SNAP25: variants seen among roughly 807,000 people sequenced by gnomAD.
SNAP25 encodes the protein synaptosomal-associated protein 25.
Under a neutral mutation model 28.7 loss-of-function variants are expected in SNAP25, and 3 were observed. The ratio of observed to expected loss-of-function variants is 0.10; its 90% CI spans 0.05 to 0.27. The LOEUF (loss-of-function observed/expected upper bound fraction) is 0.27. SNAP25 is among the 10% of genes least tolerant of loss of function. The pLI, the probability that SNAP25 is intolerant of heterozygous loss-of-function variation, is 1.00. For missense variants in SNAP25, 117 were observed against 278.7 expected (o/e 0.42, Z 4.13); for synonymous variants, 61 against 88.1 (o/e 0.69, Z 1.72).
rs1467057506 is a variant in SNAP25, at chr20:10,248,208, T to A, written c.-63-27221T>A. ...TGTGCACAGAAGCCAACAAAAAGTA[T>A]ACTTGGCTTTAAGGATAAGGGTACA... On this transcript the variant is annotated intron_variant, in intron 1 of 7. Transcript: ENST00000254976. Among the ~76,000 whole-genome samples the A allele has an allele frequency of 2.0e-5, 3 of 152,222 alleles. No individual in the cohort carries two copies. The South Asian group carries it at 6.2e-4, about 31-fold the overall frequency.
At chr20:10,268,160 G>C (rs891020086) in intron 1 of SNAP25, among the ~76,000 whole-genome samples, 1 of 152,168 alleles carries the variant, frequency 6.6e-6, no homozygotes, top group Non-Finnish European at 1.5e-5. Flanking sequence ...AAGGAGAGTT[G>C]TCCCACTTGG....
At chr20:10,291,875 T>A (rs2064006277) in intron 4 of SNAP25, among the ~76,000 whole-genome samples, 1 of 152,226 alleles carries the variant, frequency 6.6e-6, no homozygotes, top group Non-Finnish European at 1.5e-5. Flanking sequence ...CCTTTAATGG[T>A]CTTTTAAAGC....
chr20:10,241,729 G>C (rs1249960780), intron 1 of SNAP25, among the ~76,000 whole-genome samples: 2 of 152,096 alleles, frequency 1.3e-5, no homozygotes, highest in South Asian at 2.1e-4. Context: ...GGGCAAGGTG[G>C]GTGCTTTCAA....
At chr20:10,228,207 A>C (rs1451557569) in intron 1 of SNAP25, among the ~76,000 whole-genome samples, 1 of 152,148 alleles carries the variant, frequency 6.6e-6, no homozygotes, top group African/African-American at 2.4e-5. Context: ...CTACCACTTA[A>C]TGACCACAAG....
At chr20:10,291,853 C>T (rs1291359516) in intron 4 of SNAP25, among the ~76,000 whole-genome samples, 1 of 152,206 alleles carries the variant, frequency 6.6e-6, no homozygotes, top group Non-Finnish European at 1.5e-5. Context: ...CGAAGACATC[C>T]ATTGCTGCCT....
At chr20:10,256,263 C>T (rs1437837567) in intron 1 of SNAP25, among the ~76,000 whole-genome samples, 1 of 152,148 alleles carries the variant, frequency 6.6e-6, no homozygotes, top group Non-Finnish European at 1.5e-5. Context: ...TCCGCTATTA[C>T]GAAGGACCAT....
chr20:10,246,520 G>A (rs2063131837), intron 1 of SNAP25, among the ~76,000 whole-genome samples: 1 of 152,100 alleles, frequency 6.6e-6, no homozygotes, highest in Non-Finnish European at 1.5e-5. Flanking sequence ...AGGGGAATGA[G>A]TCCTATGGCT....
intron 7 of SNAP25, among the ~76,000 whole-genome samples, chr20:10,300,033 G>A (rs1020514329): frequency 6.6e-6 from 1 of 152,090 alleles, no homozygotes. Context: ...AAAATATCCA[G>A]GTTCCATTTC....
intron 4 of SNAP25, among the ~76,000 whole-genome samples, chr20:10,286,161 C>T (rs2063873471): frequency 6.6e-6 from 1 of 151,812 alleles, no homozygotes; most frequent in Admixed American, 6.6e-5. Context: ...GAGACCAACC[C>T]AATTAATTGT....
chr20:10,279,847 G>A, intron 3 of SNAP25, among the ~76,000 whole-genome samples: 1 of 152,204 alleles, frequency 6.6e-6, no homozygotes, highest in Admixed American at 6.5e-5. Context: ...TGAGCAAAGT[G>A]TTATTAGAGT....
At chr20:10,253,200 C>A (rs893018928) in intron 1 of SNAP25, among the ~76,000 whole-genome samples, 1 of 152,078 alleles carries the variant, frequency 6.6e-6, no homozygotes, top group African/African-American at 2.4e-5. Context: ...TTTTCTGATT[C>A]CTCAGCTACA....
chr20:10,228,572 TGCCAGCTCTGCC>T (rs2062772781), intron 1 of SNAP25, among the ~76,000 whole-genome samples: 2 of 152,200 alleles, frequency 1.3e-5, no homozygotes, highest in Non-Finnish European at 2.9e-5. Context: ...GCTGGCTGCA[TGCCAGCTCTGCC>T]ACTTCAATTG....
chr20:10,306,009 A>G (rs1328353278), intron 7 of SNAP25, 120 bp from the exon 8 acceptor site: 10 of 792,284 alleles, frequency 1.3e-5, no homozygotes, highest in Non-Finnish European at 2.1e-5. Context: ...AGGATGGCCC[A>G]TGCTGACCAA....
At chr20:10,265,487 T>A (rs922315104) in intron 1 of SNAP25, among the ~76,000 whole-genome samples, 1 of 152,214 alleles carries the variant, frequency 6.6e-6, no homozygotes, top group Non-Finnish European at 1.5e-5. Flanking sequence ...AGAACAAGAC[T>A]TCACAAACCT....
At chr20:10,261,826 T>C (rs1027659310) in intron 1 of SNAP25, among the ~76,000 whole-genome samples, 3 of 152,160 alleles carry the variant, frequency 2.0e-5, no homozygotes, top group African/African-American at 7.2e-5. Flanking sequence ...GAGTTCAGGA[T>C]ATGGGGACCC....
At chr20:10,260,724 A>ACACACAAACAC (rs1568597310) in intron 1 of SNAP25, among the ~76,000 whole-genome samples, 1 of 78,414 alleles carries the variant, frequency 1.3e-5, no homozygotes, top group African/African-American at 4.2e-5. Context: ...CACACACACA[A>ACACACAAACAC]ACACACACAC....
Position 10,265,716 on chromosome 20 carries a change from T to G in SNAP25, c.-63-9713T>G, listed in dbSNP as rs114682080. The stretch of plus-strand genomic sequence containing the variant: ...GGAGTCTGTAGGACATGTGAATTGG[T>G]GAGGTTAAAATAACATCGCGTGGTC... On this transcript the variant is annotated intron_variant, in intron 1 of 7. Coordinates refer to ENST00000254976, the MANE Select transcript of SNAP25 (RefSeq NM_130811.4). 7.2e-3 allele frequency among the ~76,000 whole-genome samples: 1,102 copies of G among 152,266 alleles called. 11 individuals carry two copies. The highest frequency in any genetic ancestry group is 0.026 in the African/African-American group (1,061 of 41,562).
At chr20:10,241,352 T>C (rs1230873594) in intron 1 of SNAP25, among the ~76,000 whole-genome samples, 1 of 152,058 alleles carries the variant, frequency 6.6e-6, no homozygotes, top group African/African-American at 2.4e-5. Context: ...AGCCCCCGGG[T>C]CCATCAATAT....
chr20:10,225,076 G>A (rs546826925), intron 1 of SNAP25, among the ~76,000 whole-genome samples: 2 of 152,156 alleles, frequency 1.3e-5, no homozygotes, highest in South Asian at 2.1e-4. Flanking sequence ...TTGGGAGGAT[G>A]TGGGGTAAAA....
Sources: allele counts gnomAD v4.1 joint callset (sites outside exome capture counted in the v4.1 genomes callset), GRCh38; gene constraint gnomAD v4.1.1; transcripts MANE v1.5; gene names NCBI Gene and HGNC (gene_info 2026-07-23, HGNC 2026-07-21).